Variants in NXPE3 observed in about 807,000 individuals in gnomAD.
NXPE3 encodes the protein NXPE family member 3.
In NXPE3, 26 loss-of-function variants were observed where a neutral mutation model predicts 46.1. The observed-to-expected ratio is 0.56, with a 90% CI of 0.41 to 0.78. The LOEUF (loss-of-function observed/expected upper bound fraction) is 0.78, where lower values mean the gene tolerates loss of function less well. Ranked by LOEUF, NXPE3 falls within the 30% of genes least tolerant of loss-of-function variation. The pLI is 0.00. For missense variants in NXPE3, 620 were observed against 686.0 expected (o/e 0.90, Z 1.07); for synonymous variants, 272 against 257.9 (o/e 1.05, Z -0.52).
chr3:101,791,015 T>C (rs754159474), intron 4 of NXPE3, among the ~76,000 whole-genome samples: 25 of 152,230 alleles, frequency 1.6e-4, no homozygotes, highest in Admixed American at 3.3e-4. Context: ...GGAAAGCATA[T>C]GTCAGTGGGG....
intron 4 of NXPE3, among the ~76,000 whole-genome samples, chr3:101,799,431 GTTA>G (rs1941017533): frequency 6.6e-6 from 1 of 151,884 alleles, no homozygotes; most frequent in African/African-American, 2.4e-5. Flanking sequence ...TTATTTATTT[GTTA>G]TTATTTTTTT....
Position 101,826,836 on chromosome 3 carries a change from C to G in NXPE3, c.*4882C>G, listed in dbSNP as rs1307206987. 1 of 152,142 alleles carries G rather than the reference C, an allele frequency of 6.6e-6. No homozygotes were observed. Among genetic ancestry groups the G allele is most frequent in the African/African-American group, 2.4e-5 (1 of 41,408 alleles). The allele number at this position is 152,142 out of a possible 1,614,324, so 9.4% of individuals were successfully genotyped here. A position where few individuals can be genotyped will look rare whatever the true frequency, so the allele number is the denominator to read the frequency against. ...ATCACCTGAGGTCAAGAGTTCAAGACCAGCCTGACCAATATGATGAAACCC... is the reference window on the plus strand; with the variant it reads ...ATCACCTGAGGTCAAGAGTTCAAGAGCAGCCTGACCAATATGATGAAACCC... On this transcript the variant is annotated 3_prime_UTR_variant, in exon 8 of 8. Coordinates refer to ENST00000273347, the MANE Select transcript of NXPE3 (RefSeq NM_145037.4).
At chr3:101,790,240 A>G (rs1223530812) in intron 4 of NXPE3, among the ~76,000 whole-genome samples, 1 of 152,224 alleles carries the variant, frequency 6.6e-6, no homozygotes. Context: ...AGTTAGATCA[A>G]CATGGTTCAT....
At chr3:101,808,174 T>G (rs1036251669) in intron 6 of NXPE3, among the ~76,000 whole-genome samples, 2 of 152,170 alleles carry the variant, frequency 1.3e-5, no homozygotes, top group African/African-American at 2.4e-5. Context: ...TCTGATTTAT[T>G]GGTGTAGAAT....
chr3:101,783,510 T>C (rs1165121660), intron 3 of NXPE3, among the ~76,000 whole-genome samples: 1 of 152,246 alleles, frequency 6.6e-6, no homozygotes, highest in Non-Finnish European at 1.5e-5. Context: ...TTATTGTCAG[T>C]AGAAGCCTCT....
intron 1 of NXPE3, chr3:101,781,566 C>G (rs1019394539): frequency 6.6e-6 from 1 of 152,172 alleles, no homozygotes; most frequent in Non-Finnish European, 1.5e-5. Flanking sequence ...CAGAACACTT[C>G]CAACAAATAC....
At chr3:101,783,504 T>C (rs1475167287) in intron 3 of NXPE3, among the ~76,000 whole-genome samples, 1 of 152,234 alleles carries the variant, frequency 6.6e-6, no homozygotes, top group Non-Finnish European at 1.5e-5. Context: ...CCTAAATTAT[T>C]GTCAGTAGAA....
chr3:101,793,505 T>A (rs900028044), intron 4 of NXPE3, among the ~76,000 whole-genome samples: 6 of 151,932 alleles, frequency 3.9e-5, no homozygotes, highest in Admixed American at 3.9e-4. Flanking sequence ...ATTTAATATA[T>A]TTTTTGAAAG....
chr3:101,803,467 T>C (rs1011054488), intron 5 of NXPE3, among the ~76,000 whole-genome samples: 3 of 152,334 alleles, frequency 2.0e-5, no homozygotes, highest in Non-Finnish European at 4.4e-5. Flanking sequence ...ATTTCACAAC[T>C]CCTCAAAACA....
chr3:101,822,009 G>A lies in NXPE3; in HGVS notation c.*55G>A. ...ATTCAATGACCTTCTCAATTGACCT[G>A]AGTTACAGAAAGTGGCCCCAGTGAG... is the stretch of plus-strand genomic sequence containing the variant. On this transcript the variant is annotated 3_prime_UTR_variant, in exon 8 of 8. Transcript: ENST00000273347. 2.0e-6 allele frequency: 3 copies of A among 1,530,458 alleles called. No homozygotes were observed. The highest frequency in any genetic ancestry group is 2.7e-6 in the Non-Finnish European group (3 of 1,122,880). 94.8% of individuals were successfully genotyped at this position (1,530,458 alleles called of 1,614,324 possible). A position where few individuals can be genotyped will look rare whatever the true frequency, so the allele number is the denominator to read the frequency against.
intron 6 of NXPE3, among the ~76,000 whole-genome samples, chr3:101,814,281 A>G (rs1386910881): frequency 6.6e-6 from 1 of 152,246 alleles, no homozygotes; most frequent in Non-Finnish European, 1.5e-5. Flanking sequence ...AGCTTTGCAC[A>G]AGGTGCAGTA....
intron 6 of NXPE3, among the ~76,000 whole-genome samples, chr3:101,812,835 A>AG (rs1941783507): frequency 4.9e-5 from 7 of 142,512 alleles, no homozygotes; most frequent in Non-Finnish European, 7.8e-5. Context: ...AAAAAAAAAA[A>AG]AAAAAAAGAT....
chr3:101,803,664 G>C (rs1157918733), intron 5 of NXPE3, among the ~76,000 whole-genome samples: 1 of 152,220 alleles, frequency 6.6e-6, no homozygotes, highest in African/African-American at 2.4e-5. Flanking sequence ...TTGTCATCCA[G>C]GCTGGAGTGC....
intron 5 of NXPE3, among the ~76,000 whole-genome samples, chr3:101,805,622 T>TAG (rs1453071774): frequency 6.6e-6 from 1 of 152,110 alleles, no homozygotes; most frequent in African/African-American, 2.4e-5. Context: ...GTATTTTTAG[T>TAG]AGAGATGGAG....
intron 6 of NXPE3, among the ~76,000 whole-genome samples, chr3:101,807,611 C>T (rs988341541): frequency 2.6e-5 from 4 of 151,866 alleles, no homozygotes; most frequent in African/African-American, 9.7e-5. Context: ...GACATGTGCA[C>T]GGCCGAGTTT....
chr3:101,819,669 A>C (rs992730525), intron 7 of NXPE3, among the ~76,000 whole-genome samples: 1 of 152,208 alleles, frequency 6.6e-6, no homozygotes, highest in African/African-American at 2.4e-5. Flanking sequence ...TATGGGGTAC[A>C]ATGTGATATT....
At chr3:101,810,903 A>G (rs1383910960) in intron 6 of NXPE3, among the ~76,000 whole-genome samples, 3 of 151,868 alleles carry the variant, frequency 2.0e-5, no homozygotes, top group Non-Finnish European at 1.5e-5. Flanking sequence ...ATCCTGGCTC[A>G]CTGCAAACCT....
At chr3:101,786,153 C>T (rs1263568079) in intron 4 of NXPE3, among the ~76,000 whole-genome samples, 2 of 152,086 alleles carry the variant, frequency 1.3e-5, no homozygotes, top group African/African-American at 4.8e-5. Context: ...CTAGATGGTA[C>T]TCAGGGACCA....
chr3:101,801,385 C>T lies in NXPE3; in HGVS notation c.244C>T (p.Leu82=), dbSNP rs1338373960. Residue 82 remains leucine (L), a synonymous_variant, in exon 5 of 8, where the codon CTG becomes TTG. Coordinates refer to ENST00000273347, the MANE Select transcript of NXPE3 (RefSeq NM_145037.4). Reference sequence around the variant, plus strand: ...GGAGCGCATGGAGGAGGACTCCTTGCTGGCTGCCTTGCACCGGCAGGTTCC... The same window carrying T: ...GGAGCGCATGGAGGAGGACTCCTTGTTGGCTGCCTTGCACCGGCAGGTTCC... ...SQERMEEDSL[L]AALHRQVPDV... is the part of the protein sequence containing the mutation. 6.2e-7 allele frequency: 1 copy of T among 1,614,214 alleles called. No homozygotes were observed. The highest frequency in any genetic ancestry group is 8.5e-7 in the Non-Finnish European group (1 of 1,180,050).
Sources: gnomAD v4.1 joint callset for allele counts (sites outside exome capture counted in the v4.1 genomes callset) on GRCh38, gnomAD v4.1.1 for gene constraint, MANE v1.5 for transcripts, NCBI Gene and HGNC (gene_info 2026-07-23, HGNC 2026-07-21) for gene names.